The following BICD1 variants were observed in gnomAD, a reference collection of about 807,000 sequenced individuals.
BICD1 encodes BICD cargo adaptor 1.
Under a neutral mutation model 92.5 loss-of-function variants are expected in BICD1, and 35 were observed. The observed-to-expected ratio is 0.38, with a 90% CI of 0.29 to 0.50. BICD1 has a LOEUF of 0.50. Ranked by LOEUF, BICD1 falls within the 20% of genes least tolerant of loss-of-function variation. The pLI is 0.93. For synonymous variants in BICD1, 429 were observed against 465.1 expected (o/e 0.92, Z 1.00); for missense variants, 950 against 1,189.8 (o/e 0.80, Z 2.97).
At chr12:32,295,642 T>C (rs1947847110) in intron 3 of BICD1, among the ~76,000 whole-genome samples, 1 of 149,534 alleles carries the variant, frequency 6.7e-6, no homozygotes, top group Non-Finnish European at 1.5e-5. Flanking sequence ...AGTGGCACAA[T>C]TAAAATTTGA....
intron 2 of BICD1, among the ~76,000 whole-genome samples, chr12:32,271,305 C>T (rs372673798): frequency 5.8e-4 from 89 of 152,242 alleles, no homozygotes; most frequent in African/African-American, 2.1e-3. Flanking sequence ...CAAAATGAGG[C>T]GCTTATCTCT....
chr12:32,328,266 T>C lies in BICD1; in HGVS notation c.1811T>C (p.Ile604Thr), dbSNP rs944681292. 12 of 1,614,066 alleles carry C rather than the reference T, an allele frequency of 7.4e-6. No individual in the cohort carries two copies. Among genetic ancestry groups the C allele is most frequent in the Non-Finnish European group, 1.0e-5 (12 of 1,180,040 alleles). ...PTKTPTISPV[I>T]TAPPSSPVLD... ...AAGACCCCCACAATCTCTCCTGTTA[T>C]TACTGCCCCACCGTCATCTCCAGTA... The change falls in exon 5 of 10, where the codon ATT becomes ACT. Residue 604 changes from isoleucine (I) to threonine (T), a missense_variant. This residue lies in a region of BICD1 where 309 missense variants were observed against 499.4 expected (regional missense o/e 0.62). Coordinates refer to ENST00000652176, the MANE Select transcript of BICD1 (RefSeq NM_001714.4). This position sits in a 1 kb window ranked among gnomAD's most constrained non-coding sequence, Gnocchi z 4.4.
At chr12:32,343,699 A>G (rs1299929000) in intron 8 of BICD1, among the ~76,000 whole-genome samples, 17 of 151,998 alleles carry the variant, frequency 1.1e-4, no homozygotes, top group African/African-American at 3.6e-4. Flanking sequence ...CTCTGACACA[A>G]TGACTCAGCT....
intron 4 of BICD1, among the ~76,000 whole-genome samples, chr12:32,308,176 C>T (rs941221228): frequency 2.0e-5 from 3 of 152,196 alleles, no homozygotes; most frequent in Admixed American, 2.0e-4. Context: ...ACTGGCTCTC[C>T]TGAGTTCTCA....
intron 1 of BICD1, among the ~76,000 whole-genome samples, chr12:32,180,643 T>C (rs1372669875): frequency 6.6e-6 from 1 of 151,950 alleles, no homozygotes; most frequent in Non-Finnish European, 1.5e-5. Flanking sequence ...TCTTGTCAGG[T>C]TGCATTTTTC....
chr12:32,107,197 C>A lies in BICD1; in HGVS notation c.-135C>A. ...TGCCACCAGAGCCGGCGGGGCATCG[C>A]GCTGCTCATTCATCCGGCCGCACTT... On this transcript the variant is annotated 5_prime_UTR_variant, in exon 1 of 10. Transcript: ENST00000652176. 1 of 837,326 alleles carries A rather than the reference C, an allele frequency of 1.2e-6. No individual in the cohort carries two copies. The highest frequency in any genetic ancestry group is 1.8e-6 in the Non-Finnish European group (1 of 541,834). 51.9% of individuals were successfully genotyped at this position (837,326 alleles called of 1,614,324 possible).
intron 2 of BICD1, among the ~76,000 whole-genome samples, chr12:32,248,534 GA>G (rs1311996763): frequency 6.6e-6 from 1 of 152,198 alleles, no homozygotes; most frequent in African/African-American, 2.4e-5. Flanking sequence ...TTGCAAAAAT[GA>G]AGTCCTTGAG....
At chr12:32,126,221 A>G (rs1382129703) in intron 1 of BICD1, among the ~76,000 whole-genome samples, 1 of 152,076 alleles carries the variant, frequency 6.6e-6, no homozygotes, top group East Asian at 1.9e-4. Context: ...GGACCCTACA[A>G]CTATTGTGGG....
rs1300643069 is a variant in BICD1, at chr12:32,163,997, C to CA, written c.214-52249dup. ...TTTTTTTATTTTCTGTTTTTTAAGACAGAGTCTCACTTTGTCTTCCAGGCT... is the reference window on the plus strand; with the variant it reads ...TTTTTTTATTTTCTGTTTTTTAAGACAAGAGTCTCACTTTGTCTTCCAGGCT... On this transcript the variant is annotated intron_variant, in intron 1 of 9. Transcript: ENST00000652176. Among the ~76,000 whole-genome samples, 6 of 152,238 alleles carry CA rather than the reference C, an allele frequency of 3.9e-5. No homozygotes were observed. In the East Asian group the frequency reaches 1.2e-3, roughly 29 times the overall value.
Position 32,377,546 on chromosome 12 carries a change from C to A in BICD1, c.2847C>A (p.Asp949Glu), listed in dbSNP as rs1296281985. 2.5e-6 allele frequency: 4 copies of A among 1,614,014 alleles called. No homozygotes were observed. In the South Asian group the frequency reaches 4.4e-5, roughly 18 times the overall value. The change falls in exon 10 of 10, where the codon GAC becomes GAA. Residue 949 changes from aspartate to glutamate, a missense_variant. By Grantham distance (45) the Asp-to-Glu change is conservative. Around this residue, in one of 5 missense-constraint regions of BICD1, gnomAD observed 179 missense variants for 186.7 expected, o/e 0.96. Coordinates refer to ENST00000652176, the MANE Select transcript of BICD1 (RefSeq NM_001714.4). Reference protein sequence around the residue: ...GRQDCPTVSPDTALPEEQPHS... With the variant: ...GRQDCPTVSPETALPEEQPHS... Reference sequence around the variant, plus strand: ...GCTTGTTTCTCCTTTCCAGTCCTGACACAGCTCTCCCTGAGGAGCAGCCAC... The same window carrying A: ...GCTTGTTTCTCCTTTCCAGTCCTGAAACAGCTCTCCCTGAGGAGCAGCCAC...
At chr12:32,208,551 C>T (rs1209489912) in intron 1 of BICD1, among the ~76,000 whole-genome samples, 1 of 152,166 alleles carries the variant, frequency 6.6e-6, no homozygotes, top group Non-Finnish European at 1.5e-5. Context: ...AAGGATCAGG[C>T]TTGAGTCTGT....
At chr12:32,147,446 G>A (rs1398053342) in intron 1 of BICD1, among the ~76,000 whole-genome samples, 2 of 151,882 alleles carry the variant, frequency 1.3e-5, no homozygotes, top group Admixed American at 6.6e-5. Flanking sequence ...ATTAATTATC[G>A]ACCATTATAT....
chr12:32,108,628 A>G (rs1267360569), intron 1 of BICD1: 1 of 685,210 alleles, frequency 1.5e-6, no homozygotes, highest in Non-Finnish European at 2.6e-6. Context: ...TCTATTATTT[A>G]TTTTATGCTG....
Position 32,327,858 on chromosome 12 carries a change from G to A in BICD1, c.1403G>A (p.Ser468Asn), listed in dbSNP as rs202173166. The change falls in exon 5 of 10, where the codon AGC (serine) becomes AAC (asparagine). Residue 468 changes from serine to asparagine, a missense_variant. Ser to Asn is a conservative substitution (Grantham distance 46, BLOSUM62 1). This residue lies in a region of BICD1 where 309 missense variants were observed against 499.4 expected (regional missense o/e 0.62). Transcript: ENST00000652176. Reference sequence around the variant, plus strand: ...CAGATGTATGATGAGCAGGTGACAAGCCTTGAGAAGACCACCAAGGAGAGT... The same window carrying A: ...CAGATGTATGATGAGCAGGTGACAAACCTTGAGAAGACCACCAAGGAGAGT... ...KIQMYDEQVTSLEKTTKESGE... is the reference protein window; with the variant it reads ...KIQMYDEQVTNLEKTTKESGE... 2.7e-5 allele frequency: 44 copies of A among 1,614,146 alleles called. No individual in the cohort carries two copies. The highest frequency in any genetic ancestry group is 3.6e-5 in the Non-Finnish European group (43 of 1,180,034).
chr12:32,296,941 G>GT (rs1264655983), intron 3 of BICD1, among the ~76,000 whole-genome samples: 1 of 152,140 alleles, frequency 6.6e-6, no homozygotes, highest in African/African-American at 2.4e-5. Flanking sequence ...TAACTCAGAA[G>GT]TTTTTTAAAA....
intron 2 of BICD1, among the ~76,000 whole-genome samples, chr12:32,283,771 C>T (rs1387188247): frequency 6.6e-6 from 1 of 152,154 alleles, no homozygotes; most frequent in African/African-American, 2.4e-5. Context: ...GGTACAGGAG[C>T]AGATCACCTG....
intron 2 of BICD1, among the ~76,000 whole-genome samples, chr12:32,265,995 C>A (rs1275211031): frequency 6.6e-6 from 1 of 152,148 alleles, no homozygotes; most frequent in East Asian, 1.9e-4. Context: ...ATTTGTGCAT[C>A]CATTTTTATA....
chr12:32,181,961 T>C (rs759897704), intron 1 of BICD1, among the ~76,000 whole-genome samples: 1 of 152,028 alleles, frequency 6.6e-6, no homozygotes, highest in Non-Finnish European at 1.5e-5. Flanking sequence ...AGAATTGTGA[T>C]AGTAATTGCT....
At chr12:32,297,725 T>G (rs1487154785) in intron 3 of BICD1, among the ~76,000 whole-genome samples, 1 of 152,228 alleles carries the variant, frequency 6.6e-6, no homozygotes, top group African/African-American at 2.4e-5. Flanking sequence ...AAGTATTATT[T>G]TTCTTTTAGT....
Sources: allele counts gnomAD v4.1 joint callset (sites outside exome capture counted in the v4.1 genomes callset), GRCh38; gene constraint gnomAD v4.1.1; regional missense constraint gnomAD v4.1.1; non-coding constraint Gnocchi (gnomAD v3.1); transcripts MANE v1.5; gene names NCBI Gene and HGNC (gene_info 2026-07-23, HGNC 2026-07-21).